The following CDH18 variants were observed in gnomAD, a reference collection of about 807,000 sequenced individuals.
The protein encoded by CDH18 is cadherin 18.
Under a neutral mutation model 67.9 loss-of-function variants are expected in CDH18, and 31 were observed. The ratio of observed to expected loss-of-function variants is 0.46; its 90% CI spans 0.34 to 0.62. CDH18 has a LOEUF of 0.62. Among genes scored for constraint, CDH18 ranks in the 20% least tolerant of loss-of-function variants. The probability of loss-of-function intolerance (pLI) is 0.01; values close to 1 mark genes in which losing one functional copy is unlikely to be tolerated. For synonymous variants in CDH18, 362 were observed against 347.2 expected (o/e 1.04, Z -0.48); for missense variants, 890 against 975.5 (o/e 0.91, Z 1.17).
chr5:20,314,853 A>T (rs764801737), intron 1 of CDH18, among the ~76,000 whole-genome samples: 1 of 151,924 alleles, frequency 6.6e-6, no homozygotes, highest in Admixed American at 6.6e-5. Context: ...AGATGAATGT[A>T]TACAAAAATG....
chr5:20,328,743 C>T (rs573275131), intron 1 of CDH18, among the ~76,000 whole-genome samples: 2 of 152,218 alleles, frequency 1.3e-5, no homozygotes, highest in South Asian at 2.1e-4. Context: ...ACCTGTACTC[C>T]ACCACTTTGG....
intron 5 of CDH18, among the ~76,000 whole-genome samples, chr5:19,716,142 A>G (rs1765313113): frequency 6.6e-6 from 1 of 152,062 alleles, no homozygotes; most frequent in Non-Finnish European, 1.5e-5. Context: ...AAAGAAGGAG[A>G]CAAGATAACT....
intron 1 of CDH18, among the ~76,000 whole-genome samples, chr5:20,530,268 A>G (rs1216445859): frequency 6.6e-6 from 1 of 152,008 alleles, no homozygotes; most frequent in African/African-American, 2.4e-5. Context: ...ATTCTATGCT[A>G]AAAGATAGGA....
intron 5 of CDH18, among the ~76,000 whole-genome samples, chr5:19,719,267 G>A (rs1256593452): frequency 2.0e-5 from 3 of 151,844 alleles, no homozygotes; most frequent in East Asian, 1.9e-4. Context: ...GTATGGCATC[G>A]TTAATGGACT....
intron 2 of CDH18, among the ~76,000 whole-genome samples, chr5:20,055,845 A>G (rs1209689886): frequency 6.6e-6 from 1 of 152,150 alleles, no homozygotes; most frequent in Non-Finnish European, 1.5e-5. Context: ...CTTTACATTA[A>G]TAACAGGCAT....
At chr5:19,588,288 C>T (rs952932272) in intron 7 of CDH18, among the ~76,000 whole-genome samples, 13 of 151,702 alleles carry the variant, frequency 8.6e-5, no homozygotes, top group Admixed American at 7.9e-4. Context: ...TTTCTCTTGC[C>T]TGATTGCCCT....
chr5:20,106,206 C>A (rs1487488183), intron 2 of CDH18, among the ~76,000 whole-genome samples: 1 of 152,168 alleles, frequency 6.6e-6, no homozygotes, highest in Non-Finnish European at 1.5e-5. Flanking sequence ...AATGGACCTA[C>A]CTCCACAGCT....
intron 2 of CDH18, among the ~76,000 whole-genome samples, chr5:19,967,580 T>C (rs932981664): frequency 6.6e-6 from 1 of 152,134 alleles, no homozygotes; most frequent in Non-Finnish European, 1.5e-5. Context: ...TTCATACTTA[T>C]ATAAAATCAT....
chr5:20,293,434 A>C (rs1292269801), intron 1 of CDH18, among the ~76,000 whole-genome samples: 1 of 152,158 alleles, frequency 6.6e-6, no homozygotes, highest in Admixed American at 6.5e-5. Context: ...GTTAATAAGG[A>C]AGAGATAAGT....
chr5:20,205,348 A>G (rs922418402), intron 2 of CDH18, among the ~76,000 whole-genome samples: 1 of 152,002 alleles, frequency 6.6e-6, no homozygotes, highest in Admixed American at 6.6e-5. Context: ...ATAAATATGC[A>G]TCCAACATTG....
At chr5:20,002,805 C>A (rs1237622310) in intron 2 of CDH18, among the ~76,000 whole-genome samples, 1 of 152,128 alleles carries the variant, frequency 6.6e-6, no homozygotes, top group Admixed American at 6.5e-5. Context: ...CATCCACAAT[C>A]TGTTCAGGGG....
At chr5:20,173,481 C>G (rs1737000069) in intron 2 of CDH18, among the ~76,000 whole-genome samples, 1 of 151,956 alleles carries the variant, frequency 6.6e-6, no homozygotes, top group South Asian at 2.1e-4. Context: ...GCTGGAGGGT[C>G]GGTAAGATGA....
chr5:19,901,645 T>C (rs866216780), intron 2 of CDH18, among the ~76,000 whole-genome samples: 3 of 152,078 alleles, frequency 2.0e-5, no homozygotes, highest in Non-Finnish European at 2.9e-5. Flanking sequence ...CATTAAAATA[T>C]CTATGAACCA....
rs1473566034 is a variant in CDH18, at chr5:19,960,635, GTATACA to G, written c.-257+20419_-257+20424del. 6.6e-5 allele frequency among the ~76,000 whole-genome samples: 7 copies of G among 105,890 alleles called. No individual in the cohort carries two copies. In the East Asian group the frequency reaches 1.6e-3, roughly 25 times the overall value. 69.5% of individuals were successfully genotyped at this position (105,890 alleles called of 152,430 possible). On this transcript the variant is annotated intron_variant, in intron 2 of 12. Coordinates refer to ENST00000382275, the MANE Select transcript of CDH18 (RefSeq NM_004934.5). Reference sequence around the variant, plus strand: ...CGTGTATATATATACACGTGTATATGTATACATATACACGTGTATATATATATACAC... The same window carrying G: ...CGTGTATATATATACACGTGTATATGTATACACGTGTATATATATATACAC...
At chr5:20,243,256 A>G (rs1743126563) in intron 2 of CDH18, among the ~76,000 whole-genome samples, 1 of 152,158 alleles carries the variant, frequency 6.6e-6, no homozygotes, top group African/African-American at 2.4e-5. Flanking sequence ...GTTCACATTT[A>G]ATGTGTTATA....
intron 5 of CDH18, among the ~76,000 whole-genome samples, chr5:19,651,546 T>A (rs182349891): frequency 6.6e-6 from 1 of 152,000 alleles, no homozygotes; most frequent in African/African-American, 2.4e-5. Flanking sequence ...GGGAGACAGA[T>A]AAAAGTTTAA....
At chr5:19,526,815 T>A (rs1440829741) in intron 9 of CDH18, among the ~76,000 whole-genome samples, 1 of 152,000 alleles carries the variant, frequency 6.6e-6, no homozygotes, top group Non-Finnish European at 1.5e-5. Flanking sequence ...ATTATTTTCC[T>A]AAAATGTGCT....
At chr5:20,020,779 C>T (rs1166502813) in intron 2 of CDH18, among the ~76,000 whole-genome samples, 1 of 152,142 alleles carries the variant, frequency 6.6e-6, no homozygotes, top group Non-Finnish European at 1.5e-5. Context: ...TCTACTAGGG[C>T]TGTACAGAGG....
At chr5:19,671,538 G>T (rs76488942) in intron 5 of CDH18, among the ~76,000 whole-genome samples, 161 of 152,114 alleles carry the variant, frequency 1.1e-3, no homozygotes, top group African/African-American at 3.8e-3. Flanking sequence ...TCCAAATATG[G>T]ATAAAATTCA....
Sources: gnomAD v4.1 joint callset for allele counts (sites outside exome capture counted in the v4.1 genomes callset) on GRCh38, gnomAD v4.1.1 for gene constraint, MANE v1.5 for transcripts, NCBI Gene and HGNC (gene_info 2026-07-23, HGNC 2026-07-21) for gene names.